SMAD3: variants seen among roughly 807,000 people sequenced by gnomAD.
The protein encoded by SMAD3 is SMAD family member 3, also known as MAD homolog 3.
A neutral mutation model predicts 51.8 loss-of-function variants in SMAD3; 12 were observed. The ratio of observed to expected loss-of-function variants is 0.23; its 90% CI spans 0.15 to 0.38. The LOEUF (loss-of-function observed/expected upper bound fraction) is 0.38, where lower values mean the gene tolerates loss of function less well. Among genes scored for constraint, SMAD3 ranks in the 10% least tolerant of loss-of-function variants. The pLI, the probability that SMAD3 is intolerant of heterozygous loss-of-function variation, is 1.00. For missense variants in SMAD3, 294 were observed against 565.6 expected (o/e 0.52, Z 4.87); for synonymous variants, 238 against 227.7 (o/e 1.05, Z -0.41).
intron 7 of SMAD3, 38 bp downstream of exon 7, chr15:67,184,902 C>G: frequency 6.2e-7 from 1 of 1,611,770 alleles, no homozygotes; most frequent in African/African-American, 1.3e-5. Context: ...CTTGAGGTCC[C>G]TCTCCGAGTG....
intron 1 of SMAD3, among the ~76,000 whole-genome samples, chr15:67,092,745 C>G (rs2140215733): frequency 6.6e-6 from 1 of 152,328 alleles, no homozygotes; most frequent in Non-Finnish European, 1.5e-5. Flanking sequence ...AGGCCCAAGC[C>G]TGCCCTTGCT....
chr15:67,127,115 C>T (rs1165697611), intron 1 of SMAD3, among the ~76,000 whole-genome samples: 2 of 152,258 alleles, frequency 1.3e-5, no homozygotes, highest in East Asian at 3.9e-4. Flanking sequence ...GGCTAAATAC[C>T]GGCCACCTCG....
intron 1 of SMAD3, among the ~76,000 whole-genome samples, chr15:67,067,437 G>A (rs1173377578): frequency 1.3e-5 from 2 of 152,176 alleles, no homozygotes; most frequent in African/African-American, 4.8e-5. Context: ...CTGAACCAAG[G>A]GAGAGAGCGT....
chr15:67,157,343 G>A (rs1388755373), intron 1 of SMAD3, among the ~76,000 whole-genome samples: 2 of 152,178 alleles, frequency 1.3e-5, no homozygotes, highest in Non-Finnish European at 2.9e-5. Flanking sequence ...TAATAATGGT[G>A]ATGCAGCATG....
intron 1 of SMAD3, chr15:67,143,138 T>A (rs372519307): frequency 4.4e-5 from 9 of 204,534 alleles, no homozygotes; most frequent in East Asian, 1.5e-4. Context: ...TCAGCCAGAA[T>A]GGTACTTTTC....
intron 4 of SMAD3, among the ~76,000 whole-genome samples, chr15:67,167,078 C>T (rs772981117): frequency 4.6e-5 from 7 of 152,196 alleles, no homozygotes; most frequent in African/African-American, 9.7e-5. Flanking sequence ...TGGGCCATCT[C>T]GTGTATGCCC....
chr15:67,189,969 G>A (rs141182908), intron 8 of SMAD3, among the ~76,000 whole-genome samples: 209 of 152,044 alleles, frequency 1.4e-3, no homozygotes, highest in African/African-American at 4.8e-3. Context: ...ACAGACACAC[G>A]TCATCGTCGC....
At chr15:67,072,800 A>G (rs1335406841) in intron 1 of SMAD3, among the ~76,000 whole-genome samples, 1 of 152,226 alleles carries the variant, frequency 6.6e-6, no homozygotes, top group Non-Finnish European at 1.5e-5. Context: ...ATCTTCAAGC[A>G]CAATGGTTCC....
intron 1 of SMAD3, among the ~76,000 whole-genome samples, chr15:67,115,641 GA>G (rs1273207986): frequency 6.6e-6 from 1 of 151,212 alleles, no homozygotes; most frequent in African/African-American, 2.5e-5. Context: ...GTAAAGCAAG[GA>G]AGATAATGTC....
intron 1 of SMAD3, among the ~76,000 whole-genome samples, chr15:67,137,700 G>A (rs768289588): frequency 5.9e-5 from 9 of 152,122 alleles, no homozygotes; most frequent in Non-Finnish European, 1.3e-4. Flanking sequence ...AATGTTTTTG[G>A]TGGGTAATTT....
At chr15:67,114,694 A>T (rs1189693260) in intron 1 of SMAD3, among the ~76,000 whole-genome samples, 1 of 152,040 alleles carries the variant, frequency 6.6e-6, no homozygotes, top group Non-Finnish European at 1.5e-5. Context: ...CTTTGACTTC[A>T]TCCTCCCCTC....
At chr15:67,176,047 T>C (rs565403302) in intron 5 of SMAD3, among the ~76,000 whole-genome samples, 7 of 152,200 alleles carry the variant, frequency 4.6e-5, no homozygotes, top group Non-Finnish European at 1.0e-4. Flanking sequence ...AGTATGCTGG[T>C]CATAAGCTAA....
chr15:67,074,340 A>G (rs1246937718), intron 1 of SMAD3, among the ~76,000 whole-genome samples: 1 of 152,372 alleles, frequency 6.6e-6, no homozygotes, highest in East Asian at 1.9e-4. Flanking sequence ...ACAGATGCCT[A>G]AAAATGGTTA....
rs77712190 is a variant in SMAD3 at position 67,102,326 on chromosome 15, A to G, written c.206+35966A>G. On this transcript the variant is annotated intron_variant, in intron 1 of 8. Coordinates refer to ENST00000327367, the MANE Select transcript of SMAD3 (RefSeq NM_005902.4). The stretch of plus-strand genomic sequence containing the variant: ...TTGTGTTGAGAGAAAGAAAAAAGCC[A>G]GGAGAGTAGGATGAGTCAGATTTAA... 4.0e-3 allele frequency among the ~76,000 whole-genome samples: 608 copies of G among 152,156 alleles called. 6 individuals are homozygous for G. Among genetic ancestry groups the G allele is most frequent in the Middle Eastern group, 0.014 (4 of 294 alleles).
chr15:67,115,569 C>T (rs1566973074), intron 1 of SMAD3, among the ~76,000 whole-genome samples: 1 of 151,908 alleles, frequency 6.6e-6, no homozygotes, highest in African/African-American at 2.4e-5. Flanking sequence ...GCGCTTGGGT[C>T]CTCTCGCAGT....
At chr15:67,095,246 ATCTGG>A (rs1219847466) in intron 1 of SMAD3, among the ~76,000 whole-genome samples, 7 of 152,164 alleles carry the variant, frequency 4.6e-5, no homozygotes, top group Admixed American at 4.6e-4. Context: ...CTTCTGGCTC[ATCTGG>A]TCCTGAGGTG....
chr15:67,086,482 A>G (rs1057041993), intron 1 of SMAD3, among the ~76,000 whole-genome samples: 1 of 152,160 alleles, frequency 6.6e-6, no homozygotes, highest in African/African-American at 2.4e-5. Flanking sequence ...CATTCAGGTA[A>G]AGGGATGGGC....
At chr15:67,182,112 G>C (rs1471717721) in intron 6 of SMAD3, among the ~76,000 whole-genome samples, 1 of 152,192 alleles carries the variant, frequency 6.6e-6, no homozygotes, top group Non-Finnish European at 1.5e-5. Context: ...AAAATACTCT[G>C]AAAGTACAGA....
intron 1 of SMAD3, among the ~76,000 whole-genome samples, chr15:67,156,112 T>C (rs1962276682): frequency 6.6e-6 from 1 of 152,200 alleles, no homozygotes; most frequent in Non-Finnish European, 1.5e-5. Context: ...ATATATCTGC[T>C]GCAGCATGTA....
Sources: gnomAD v4.1 joint callset for allele counts (sites outside exome capture counted in the v4.1 genomes callset) on GRCh38, gnomAD v4.1.1 for gene constraint, MANE v1.5 for transcripts, NCBI Gene and HGNC (gene_info 2026-07-23, HGNC 2026-07-21) for gene names.